KCTD1: variants seen among roughly 807,000 people sequenced by gnomAD.
KCTD1 encodes the protein potassium channel tetramerization domain containing 1.
A neutral mutation model predicts 66.0 loss-of-function variants in KCTD1; 24 were observed. That is an observed-to-expected ratio of 0.36 (90% CI 0.26 to 0.51). KCTD1 has a LOEUF of 0.51. Among genes scored for constraint, KCTD1 ranks in the 20% least tolerant of loss-of-function variants. The pLI is 0.95. For synonymous variants in KCTD1, 511 were observed against 517.2 expected (o/e 0.99, Z 0.16); for missense variants, 943 against 1,205.2 (o/e 0.78, Z 3.22).
intron 1 of KCTD1, among the ~76,000 whole-genome samples, chr18:26,504,767 C>T (rs1369640938): frequency 6.6e-6 from 1 of 152,226 alleles, no homozygotes; most frequent in African/African-American, 2.4e-5. Context: ...AGTTGATGCT[C>T]AATATGTATC....
At chr18:26,460,057 A>T in intron 3 of KCTD1, 132 bp from the exon 4 acceptor site, 1 of 679,998 alleles carries the variant, frequency 1.5e-6, no homozygotes, top group Non-Finnish European at 2.5e-6. Flanking sequence ...TTTTTCACTT[A>T]CGACATGTTT....
intron 1 of KCTD1, among the ~76,000 whole-genome samples, chr18:26,597,119 T>C (rs1267086805): frequency 6.6e-6 from 1 of 150,820 alleles, no homozygotes; most frequent in Non-Finnish European, 1.5e-5. Flanking sequence ...TCCCATGGGG[T>C]GAGGAGGACC....
At chr18:26,501,365 C>G in intron 1 of KCTD1, 115 bp from the exon 2 acceptor site, 5 of 921,344 alleles carry the variant, frequency 5.4e-6, no homozygotes, top group Non-Finnish European at 6.3e-6. Context: ...GTAATAAAAC[C>G]TGAAAAACCG....
At chr18:26,508,129 A>T (rs918983711) in intron 1 of KCTD1, among the ~76,000 whole-genome samples, 2 of 152,240 alleles carry the variant, frequency 1.3e-5, no homozygotes, top group African/African-American at 2.4e-5. Flanking sequence ...ACCAAATCTG[A>T]CTAAAATATA....
chr18:26,599,341 C>T, intron 1 of KCTD1: 1 of 1,461,692 alleles, frequency 6.8e-7, no homozygotes, highest in Non-Finnish European at 9.4e-7. Context: ...GGAGCGAGCC[C>T]AGGTGGCAGT....
At chr18:26,607,998 T>C (rs1415424939) in intron 1 of KCTD1, among the ~76,000 whole-genome samples, 1 of 152,186 alleles carries the variant, frequency 6.6e-6, no homozygotes, top group Non-Finnish European at 1.5e-5. Context: ...TTCAAACTCC[T>C]GACCTCAAGC....
At chr18:26,570,376 T>A (rs1986080192) in intron 1 of KCTD1, among the ~76,000 whole-genome samples, 2 of 151,990 alleles carry the variant, frequency 1.3e-5, no homozygotes, top group Admixed American at 1.3e-4. Flanking sequence ...TATCTAAGGA[T>A]GTTCCAGTTT....
chr18:26,478,318 A>G (rs1284587198), intron 2 of KCTD1, among the ~76,000 whole-genome samples: 2 of 152,232 alleles, frequency 1.3e-5, no homozygotes, highest in Non-Finnish European at 2.9e-5. Flanking sequence ...TTGCCCAACT[A>G]GTTAAGCAGC....
intron 2 of KCTD1, among the ~76,000 whole-genome samples, chr18:26,494,227 C>T (rs746256703): frequency 9.2e-5 from 14 of 152,076 alleles, no homozygotes; most frequent in Non-Finnish European, 1.3e-4. Context: ...AAAAATTAGC[C>T]GGGTATGGTG....
intron 1 of KCTD1, among the ~76,000 whole-genome samples, chr18:26,569,815 G>T (rs948112790): frequency 6.6e-6 from 1 of 152,158 alleles, no homozygotes. Flanking sequence ...AGCTTATAAA[G>T]CTATTCACTC....
chr18:26,549,418 A>G (rs997506809), upstream of KCTD1: 34 of 985,456 alleles, frequency 3.5e-5, no homozygotes, highest in Non-Finnish European at 4.1e-5. Context: ...GGTCTGGGGC[A>G]AGTCCGCGCC....
At chr18:26,593,378 GGAGGAGGAAGAA>G (rs1183754141) in intron 1 of KCTD1, among the ~76,000 whole-genome samples, 4 of 88,516 alleles carry the variant, frequency 4.5e-5, no homozygotes, top group African/African-American at 9.2e-5. Flanking sequence ...AGGAGGAAGA[GGAGGAGGAAGAA>G]GAGGAGGAGG....
intron 1 of KCTD1, among the ~76,000 whole-genome samples, chr18:26,595,016 T>C (rs540991735): frequency 6.6e-6 from 1 of 152,102 alleles, no homozygotes; most frequent in South Asian, 2.1e-4. Context: ...TCTCCCACTT[T>C]TCCTCTCCCC....
chr18:26,556,364 C>T (rs1398917412), intron 1 of KCTD1, among the ~76,000 whole-genome samples: 1 of 152,148 alleles, frequency 6.6e-6, no homozygotes, highest in African/African-American at 2.4e-5. Context: ...TTTAGTCTTC[C>T]TACAGCCTGT....
chr18:26,568,601 T>G (rs577716293), intron 1 of KCTD1, among the ~76,000 whole-genome samples: 36 of 152,304 alleles, frequency 2.4e-4, no homozygotes, highest in Non-Finnish European at 5.9e-5. Flanking sequence ...GTAGGTTGTG[T>G]AGACAGTCAT....
At position 26,615,657 on chromosome 18, in the gene KCTD1, T is replaced by C. The variant is rs372513601; in HGVS notation, c.-16+13490A>G. ...TGAGATACAGCATTCTACCCCGTTC[T>C]GATTAGAATGTGATCACTTATCTAC... On this transcript the variant is annotated intron_variant, in intron 1 of 4. Coordinates refer to the KCTD1 transcript ENST00000317932. Among the ~76,000 whole-genome samples the C allele has an allele frequency of 9.8e-5, 15 of 152,364 alleles. 4 individuals are homozygous for C. Among genetic ancestry groups the C allele is most frequent in the African/African-American group, 3.6e-4 (15 of 41,594 alleles).
chr18:26,528,529 T>G (rs1984279299), intron 1 of KCTD1, among the ~76,000 whole-genome samples: 1 of 152,206 alleles, frequency 6.6e-6, no homozygotes, highest in Non-Finnish European at 1.5e-5. Flanking sequence ...GATCCACCTA[T>G]CATCTCCTCT....
chr18:26,547,949 G>T lies in KCTD1; in HGVS notation c.588C>A (p.Phe196Leu). The T allele has an allele frequency of 6.5e-7, 1 of 1,542,894 alleles. No homozygotes were observed. Among genetic ancestry groups the T allele is most frequent in the African/African-American group, 1.4e-5 (1 of 73,170 alleles). ...ACAGCGCCCCCTTGTCCATGGTCTC[G>T]AAGTCCGGGCTCTGCGCCTTCTCGC... Reference protein sequence around the residue: ...YLSEKAQSPDFETMDKGALCR... With the variant: ...YLSEKAQSPDLETMDKGALCR... The change falls in exon 1 of 5, where the codon TTC becomes TTA. Residue 196 changes from phenylalanine (F) to leucine (L), a missense_variant. Coordinates refer to ENST00000580059, the MANE Select transcript of KCTD1 (RefSeq NM_001142730.3).
intron 1 of KCTD1, among the ~76,000 whole-genome samples, chr18:26,518,544 G>A (rs545728613): frequency 1.3e-4 from 20 of 152,212 alleles, no homozygotes; most frequent in East Asian, 3.9e-4. Flanking sequence ...GATTACAGGC[G>A]TGAGCCATGG....
Sources: allele counts gnomAD v4.1 joint callset (sites outside exome capture counted in the v4.1 genomes callset), GRCh38; gene constraint gnomAD v4.1.1; transcripts MANE v1.5; gene names NCBI Gene and HGNC (gene_info 2026-07-23, HGNC 2026-07-21).